Variants in AGBL4 observed in about 807,000 individuals in gnomAD.
AGBL4 encodes the protein AGBL carboxypeptidase 4.
Under a neutral mutation model 66.4 loss-of-function variants are expected in AGBL4, and 58 were observed. That is an observed-to-expected ratio of 0.87 (90% confidence interval 0.71 to 1.09). AGBL4 has a LOEUF of 1.09. Among genes scored for constraint, AGBL4 ranks in the 50% least tolerant of loss-of-function variants. The pLI, the probability that AGBL4 is intolerant of heterozygous loss-of-function variation, is 0.00. For synonymous variants in AGBL4, 234 were observed against 222.9 expected (o/e 1.05, Z -0.44); for missense variants, 579 against 631.0 (o/e 0.92, Z 0.88).
At chr1:49,603,726 C>G (rs915795725) in intron 3 of AGBL4, among the ~76,000 whole-genome samples, 3 of 151,956 alleles carry the variant, frequency 2.0e-5, no homozygotes, top group Non-Finnish European at 2.9e-5. Flanking sequence ...CTCCCTCCCC[C>G]ATTCTGAGTC....
chr1:48,576,140 T>G (rs527663524), intron 11 of AGBL4, among the ~76,000 whole-genome samples: 1 of 152,210 alleles, frequency 6.6e-6, no homozygotes, highest in East Asian at 1.9e-4. Context: ...CCGCAGGAGG[T>G]GAGTGGCAGG....
At chr1:49,239,799 C>T (rs1211524605) in intron 4 of AGBL4, among the ~76,000 whole-genome samples, 1 of 151,898 alleles carries the variant, frequency 6.6e-6, no homozygotes, top group Non-Finnish European at 1.5e-5. Context: ...AAATCCTTAC[C>T]CCTATGGTGC....
chr1:49,741,134 C>T (rs926176228), intron 2 of AGBL4, among the ~76,000 whole-genome samples: 57 of 151,894 alleles, frequency 3.8e-4, no homozygotes, highest in African/African-American at 1.3e-3. Context: ...AAAGGATCAA[C>T]AAAATTGATA....
chr1:49,690,273 A>T (rs1488005414), intron 3 of AGBL4, among the ~76,000 whole-genome samples: 1 of 152,156 alleles, frequency 6.6e-6, no homozygotes, highest in Non-Finnish European at 1.5e-5. Flanking sequence ...CTTTATTGTG[A>T]TATTCATTTC....
intron 3 of AGBL4, among the ~76,000 whole-genome samples, chr1:49,653,876 T>C (rs1384871947): frequency 2.0e-5 from 3 of 151,318 alleles, no homozygotes; most frequent in East Asian, 2.0e-4. Flanking sequence ...ACCGGGAGAA[T>C]GGAACCAAGT....
At chr1:49,134,543 G>C (rs1428047325) in intron 4 of AGBL4, among the ~76,000 whole-genome samples, 1 of 134,750 alleles carries the variant, frequency 7.4e-6, no homozygotes, top group Non-Finnish European at 1.5e-5. Context: ...TTCCTTACTG[G>C]GGAAAGAATT....
At chr1:49,145,000 A>C (rs1327991116) in intron 4 of AGBL4, among the ~76,000 whole-genome samples, 3 of 152,164 alleles carry the variant, frequency 2.0e-5, no homozygotes, top group Non-Finnish European at 4.4e-5. Context: ...AGCTAAGGTA[A>C]GAAAGACAGG....
chr1:49,413,495 T>C (rs759956026), intron 3 of AGBL4, among the ~76,000 whole-genome samples: 6 of 152,232 alleles, frequency 3.9e-5, no homozygotes, highest in Non-Finnish European at 8.8e-5. Context: ...ATGGGTGGAA[T>C]TGATTTGACC....
intron 3 of AGBL4, among the ~76,000 whole-genome samples, chr1:49,314,111 C>T (rs112449478): frequency 9.2e-5 from 14 of 152,146 alleles, no homozygotes; most frequent in African/African-American, 2.9e-4. Context: ...CCAACACCAT[C>T]GATTAAATAG....
At chr1:49,457,748 C>T (rs113424633) in intron 3 of AGBL4, among the ~76,000 whole-genome samples, 7,285 of 151,700 alleles carry the variant, frequency 0.048, 302 homozygotes, top group Non-Finnish European at 0.069. Context: ...CAAGGTGAGA[C>T]ATAAGGATCC....
intron 1 of AGBL4, among the ~76,000 whole-genome samples, chr1:49,939,548 G>A (rs1371018993): frequency 3.4e-4 from 52 of 151,578 alleles, no homozygotes; most frequent in Non-Finnish European, 4.3e-4. Flanking sequence ...AAATAATGCC[G>A]CATATCTACA....
At chr1:49,770,937 G>C (rs1288498831) in intron 2 of AGBL4, among the ~76,000 whole-genome samples, 2 of 151,776 alleles carry the variant, frequency 1.3e-5, no homozygotes, top group African/African-American at 4.8e-5. Flanking sequence ...TGTTGATTCT[G>C]TTTATCTTTT....
intron 1 of AGBL4, among the ~76,000 whole-genome samples, chr1:50,008,261 T>C (rs1027833542): frequency 6.6e-6 from 1 of 152,208 alleles, no homozygotes; most frequent in Admixed American, 6.5e-5. Context: ...ATAGACCATA[T>C]ATTAGGACAC....
chr1:49,627,063 A>G (rs924604472), intron 3 of AGBL4, among the ~76,000 whole-genome samples: 3 of 152,116 alleles, frequency 2.0e-5, no homozygotes, highest in East Asian at 1.9e-4. Context: ...GAAATTGCCA[A>G]TGTTGGAAAC....
intron 2 of AGBL4, among the ~76,000 whole-genome samples, chr1:49,803,617 T>G (rs923009007): frequency 1.3e-5 from 2 of 152,170 alleles, no homozygotes; most frequent in Non-Finnish European, 2.9e-5. Context: ...TTCTCTGAAC[T>G]GCAGTTTTCT....
intron 3 of AGBL4, 69 bp from the exon 4 acceptor site, chr1:49,245,933 G>A (rs890719116): frequency 3.1e-5 from 37 of 1,211,074 alleles, no homozygotes; most frequent in Non-Finnish European, 4.1e-5. Context: ...AATTAAGACA[G>A]GAAATAAGAA....
rs764533074 is a variant in AGBL4, at chr1:49,837,629, G to A, written c.157+13767C>T. Among the ~76,000 whole-genome samples the A allele has an allele frequency of 2.0e-4, 30 of 152,192 alleles. No individual in the cohort carries two copies. The South Asian group carries it at 2.3e-3, about 12-fold the overall frequency. ...TGGGAGGCCAAGGCGGGTGGATCACGAGGTCAGGAGATCGGACCATCCTGG... is the reference window on the plus strand; with the variant it reads ...TGGGAGGCCAAGGCGGGTGGATCACAAGGTCAGGAGATCGGACCATCCTGG... On this transcript the variant is annotated intron_variant, in intron 2 of 13. Transcript: ENST00000371839.
chr1:50,022,861 C>T (rs938869173), intron 1 of AGBL4, among the ~76,000 whole-genome samples: 7 of 152,152 alleles, frequency 4.6e-5, no homozygotes, highest in African/African-American at 1.7e-4. Context: ...AACTCCCTCC[C>T]ACATACTCAA....
chr1:49,918,719 C>T (rs180875846), intron 1 of AGBL4, among the ~76,000 whole-genome samples: 1 of 152,166 alleles, frequency 6.6e-6, no homozygotes, highest in Non-Finnish European at 1.5e-5. Flanking sequence ...AGAGGGAATA[C>T]TCCCTAACTC....
Sources: allele counts gnomAD v4.1 joint callset (sites outside exome capture counted in the v4.1 genomes callset), GRCh38; gene constraint gnomAD v4.1.1; transcripts MANE v1.5; gene names NCBI Gene and HGNC (gene_info 2026-07-23, HGNC 2026-07-21).